Variants in TMEM132B observed in about 807,000 individuals in gnomAD.
The protein encoded by TMEM132B is transmembrane protein 132B.
In TMEM132B, 18 loss-of-function variants were observed where a neutral mutation model predicts 90.8. The observed-to-expected ratio is 0.20, with a 90% confidence interval of 0.14 to 0.29. The LOEUF (loss-of-function observed/expected upper bound fraction) is 0.29. Ranked by LOEUF, TMEM132B falls within the 10% of genes least tolerant of loss-of-function variation. The pLI is 1.00. For synonymous variants in TMEM132B, 504 were observed against 523.3 expected (o/e 0.96, Z 0.50); for missense variants, 1,096 against 1,326.8 (o/e 0.83, Z 2.70).
intron 5 of TMEM132B, among the ~76,000 whole-genome samples, chr12:125,618,623 G>T (rs974185848): frequency 6.6e-6 from 1 of 152,070 alleles, no homozygotes; most frequent in African/African-American, 2.4e-5. Flanking sequence ...TTTGATGTCT[G>T]CCCTTAGGAT....
At chr12:125,244,170 G>A (rs1874154240) in intron 1 of TMEM132B, among the ~76,000 whole-genome samples, 1 of 152,068 alleles carries the variant, frequency 6.6e-6, no homozygotes, top group Non-Finnish European at 1.5e-5. Flanking sequence ...TGATAGACGT[G>A]GGTTGTTTCC....
intron 5 of TMEM132B, among the ~76,000 whole-genome samples, chr12:125,635,774 C>T (rs933294841): frequency 6.1e-4 from 93 of 152,202 alleles, no homozygotes; most frequent in Non-Finnish European, 8.8e-5. Flanking sequence ...TAAAAGCATT[C>T]CTATTTCTCC....
intron 8 of TMEM132B, 80 bp from the exon 9 acceptor site, chr12:125,653,485 T>G: frequency 7.0e-7 from 1 of 1,432,918 alleles, no homozygotes; most frequent in Non-Finnish European, 9.4e-7. Flanking sequence ...TTTAAACAAT[T>G]TATATAGGAA....
rs371305087 is a variant in TMEM132B, at chr12:125,656,031, C to G, written c.*1321C>G. 21 of 151,620 alleles carry G rather than the reference C, an allele frequency of 1.4e-4. No homozygotes were observed. The highest frequency in any genetic ancestry group is 5.1e-4 in the African/African-American group (21 of 41,262). 9.4% of individuals were successfully genotyped at this position (151,620 alleles called of 1,614,324 possible). ...TATTATAGAAAAAAAAATTAAAAAC[C>G]ACAGCTATTGAAAAATTAAAACGGC... On this transcript the variant is annotated 3_prime_UTR_variant, in exon 9 of 9. Coordinates refer to ENST00000682704, the MANE Select transcript of TMEM132B (RefSeq NM_001366854.1).
chr12:125,489,875 G>A (rs971229334), intron 3 of TMEM132B, among the ~76,000 whole-genome samples: 2 of 152,196 alleles, frequency 1.3e-5, no homozygotes, highest in Non-Finnish European at 2.9e-5. Flanking sequence ...ATAATTCTCA[G>A]TTGGTTCTGG....
intron 1 of TMEM132B, among the ~76,000 whole-genome samples, chr12:125,337,089 C>T (rs1297617479): frequency 6.6e-6 from 1 of 152,172 alleles, no homozygotes; most frequent in African/African-American, 2.4e-5. Context: ...ATGGAAATCT[C>T]TCATGTTGGC....
chr12:125,306,901 C>G (rs896392525), intron 1 of TMEM132B, among the ~76,000 whole-genome samples: 5 of 152,248 alleles, frequency 3.3e-5, no homozygotes, highest in Non-Finnish European at 5.9e-5. Context: ...GACTTCCTGT[C>G]TGTTTACTTG....
intron 2 of TMEM132B, among the ~76,000 whole-genome samples, chr12:125,378,358 C>A (rs145150670): frequency 6.6e-6 from 1 of 152,182 alleles, no homozygotes; most frequent in African/African-American, 2.4e-5. Flanking sequence ...TTTGACTGCA[C>A]GTACCATCAA....
At chr12:125,332,594 T>C (rs1876816551) in intron 1 of TMEM132B, among the ~76,000 whole-genome samples, 2 of 62,044 alleles carry the variant, frequency 3.2e-5, no homozygotes, top group East Asian at 4.8e-4. Context: ...TTTTTTTTTT[T>C]TTTTTTTTTT....
intron 5 of TMEM132B, among the ~76,000 whole-genome samples, chr12:125,595,525 A>G (rs949887796): frequency 6.6e-6 from 1 of 152,208 alleles, no homozygotes; most frequent in South Asian, 2.1e-4. Context: ...CTTCACATGT[A>G]TCAGTTCATA....
intron 1 of TMEM132B, among the ~76,000 whole-genome samples, chr12:125,328,259 C>T (rs534677218): frequency 2.0e-4 from 30 of 152,338 alleles, no homozygotes; most frequent in African/African-American, 6.5e-4. Context: ...CCCTTTCCTC[C>T]CTTTCCAGCC....
chr12:125,252,072 C>T (rs1256762330), intron 1 of TMEM132B, among the ~76,000 whole-genome samples: 2 of 152,228 alleles, frequency 1.3e-5, no homozygotes, highest in African/African-American at 4.8e-5. Flanking sequence ...TATACACTGA[C>T]ACTGGTGCAC....
At chr12:125,352,308 C>T (rs1377002856) in intron 2 of TMEM132B, among the ~76,000 whole-genome samples, 1 of 152,214 alleles carries the variant, frequency 6.6e-6, no homozygotes, top group African/African-American at 2.4e-5. Flanking sequence ...GTAAATAATT[C>T]TTTGTTAAAA....
chr12:125,247,298 A>G (rs1191981687), intron 1 of TMEM132B, among the ~76,000 whole-genome samples: 1 of 152,182 alleles, frequency 6.6e-6, no homozygotes, highest in Non-Finnish European at 1.5e-5. Flanking sequence ...GTCTGCTTTT[A>G]GTTTGATGGC....
chr12:125,196,438 C>T (rs1248448423), intron 1 of TMEM132B, among the ~76,000 whole-genome samples: 1 of 152,120 alleles, frequency 6.6e-6, no homozygotes. Flanking sequence ...CTGGGCACGG[C>T]GGCTCATGCC....
chr12:125,256,996 G>A (rs987177724), intron 1 of TMEM132B, among the ~76,000 whole-genome samples: 2 of 152,144 alleles, frequency 1.3e-5, no homozygotes, highest in African/African-American at 4.8e-5. Context: ...GGATTTATTA[G>A]AAATTGCAGT....
At position 125,225,904 on chromosome 12, in the gene TMEM132B, A is replaced by G. The variant is rs141751463; in HGVS notation, c.67+39038A>G. On this transcript the variant is annotated intron_variant, in intron 1 of 8. Transcript: ENST00000682704. ...GTAGTCCACCTGTGGGCCCAGGACA[A>G]ACAGTATGGTCAAATCACCATCCTA... is the stretch of plus-strand genomic sequence containing the variant. 3.3e-3 allele frequency among the ~76,000 whole-genome samples: 505 copies of G among 152,296 alleles called. 4 individuals are homozygous for G. The highest frequency in any genetic ancestry group is 0.011 in the African/African-American group (473 of 41,562).
At chr12:125,517,499 T>C (rs552644784) in intron 3 of TMEM132B, among the ~76,000 whole-genome samples, 1 of 152,106 alleles carries the variant, frequency 6.6e-6, no homozygotes, top group South Asian at 2.1e-4. Flanking sequence ...GCCCAACACA[T>C]ATTTTCTTGC....
At chr12:125,405,068 G>A (rs771917550) in intron 2 of TMEM132B, among the ~76,000 whole-genome samples, 1 of 152,176 alleles carries the variant, frequency 6.6e-6, no homozygotes, top group Non-Finnish European at 1.5e-5. Flanking sequence ...TGGCCACTGT[G>A]TTAGCTTCCT....
Sources: gnomAD v4.1 joint callset for allele counts (sites outside exome capture counted in the v4.1 genomes callset) on GRCh38, gnomAD v4.1.1 for gene constraint, MANE v1.5 for transcripts, NCBI Gene and HGNC (gene_info 2026-07-23, HGNC 2026-07-21) for gene names.